PLEKHM3: variants seen among roughly 807,000 people sequenced by gnomAD.
PLEKHM3 encodes pleckstrin homology domain-containing family M member 3.
A neutral mutation model predicts 81.8 loss-of-function variants in PLEKHM3; 45 were observed. The observed-to-expected ratio is 0.55, with a 90% confidence interval of 0.43 to 0.71. The LOEUF (loss-of-function observed/expected upper bound fraction) is 0.71, where lower values mean the gene tolerates loss of function less well. PLEKHM3 is among the 30% of genes least tolerant of loss of function. The pLI is 0.00. For missense variants in PLEKHM3, 788 were observed against 924.3 expected (o/e 0.85, Z 1.91); for synonymous variants, 352 against 356.4 (o/e 0.99, Z 0.14).
chr2:207,946,890 T>A (rs1473596086), intron 3 of PLEKHM3, among the ~76,000 whole-genome samples: 1 of 152,220 alleles, frequency 6.6e-6, no homozygotes, highest in Non-Finnish European at 1.5e-5. Context: ...TACAGAATCT[T>A]GTTTAACCAG....
intron 5 of PLEKHM3, among the ~76,000 whole-genome samples, chr2:207,917,006 G>C (rs540412917): frequency 6.6e-6 from 1 of 152,292 alleles, no homozygotes; most frequent in Admixed American, 6.5e-5. Context: ...ATAATTTGCT[G>C]AATTAGATCT....
chr2:208,023,410 T>C (rs1007107628), intron 1 of PLEKHM3, among the ~76,000 whole-genome samples: 6 of 152,116 alleles, frequency 3.9e-5, no homozygotes, highest in Non-Finnish European at 8.8e-5. Flanking sequence ...AAACTGAAAC[T>C]CTATACCCAT....
At chr2:207,974,990 C>A (rs1017247005) in intron 3 of PLEKHM3, among the ~76,000 whole-genome samples, 17 of 150,316 alleles carry the variant, frequency 1.1e-4, no homozygotes, top group African/African-American at 4.2e-4. Context: ...ACCACCACAC[C>A]CGGCTAATTT....
rs141847455 is a variant in PLEKHM3, at chr2:207,855,360, C to A, written c.2108+5745G>T. On this transcript the variant is annotated intron_variant, in intron 7 of 7. Transcript: ENST00000427836. ...ATAAAATATAGTACTGGGCTGTAAC[C>A]CAAAGTACAAATGAACTATGCACAA... Among the ~76,000 whole-genome samples, 1,055 of 152,036 alleles carry A rather than the reference C, an allele frequency of 6.9e-3. 5 individuals are homozygous for A. Among genetic ancestry groups the A allele is most frequent in the Non-Finnish European group, 9.9e-3 (670 of 67,976 alleles).
intron 6 of PLEKHM3, among the ~76,000 whole-genome samples, chr2:207,890,880 A>G (rs1688041104): frequency 6.6e-6 from 1 of 152,230 alleles, no homozygotes; most frequent in Admixed American, 6.5e-5. Context: ...TATTTTTTAA[A>G]AATGCCAGCA....
chr2:207,865,287 C>G (rs995798910), intron 6 of PLEKHM3, among the ~76,000 whole-genome samples: 1 of 152,166 alleles, frequency 6.6e-6, no homozygotes, highest in South Asian at 2.1e-4. Context: ...AACTGCTATA[C>G]TGAGATATAA....
intron 6 of PLEKHM3, among the ~76,000 whole-genome samples, chr2:207,876,344 T>G (rs2092559799): frequency 6.6e-6 from 1 of 152,212 alleles, no homozygotes; most frequent in African/African-American, 2.4e-5. Flanking sequence ...AAACATAATC[T>G]GCATATGCAT....
rs777365546 is a variant in PLEKHM3, at chr2:207,977,219, C to G, written c.978G>C (p.Gly326=). 1.9e-6 allele frequency: 3 copies of G among 1,614,116 alleles called. No individual in the cohort carries two copies. Among genetic ancestry groups the G allele is most frequent in the Non-Finnish European group, 2.5e-6 (3 of 1,180,002 alleles). Residue 326 remains glycine (G), a synonymous_variant, in exon 3 of 8, where the codon GGG becomes GGC. Transcript: ENST00000427836. The stretch of plus-strand genomic sequence containing the variant: ...GTGTATAGTCATCATGATGGCCAAG[C>G]CCTGGTGAGATTGTCAGCTCATTCT... ...GRQNELTISP[G]LGHHDDYTQN... is the part of the protein sequence containing the mutation.
At chr2:207,931,941 C>T (rs1312327307) in intron 4 of PLEKHM3, among the ~76,000 whole-genome samples, 1 of 152,220 alleles carries the variant, frequency 6.6e-6, no homozygotes, top group Admixed American at 6.5e-5. Context: ...CCACTGCACT[C>T]CAGCCTGGGC....
rs1428285011 is a variant in PLEKHM3 at position 208,006,432 on chromosome 2, A to C, written c.-318-4475T>G. Among the ~76,000 whole-genome samples the C allele has an allele frequency of 2.0e-5, 3 of 152,190 alleles. No individual in the cohort carries two copies. In the East Asian group the frequency reaches 5.8e-4, roughly 29 times the overall value. On this transcript the variant is annotated intron_variant, in intron 1 of 7. Coordinates refer to ENST00000427836, the MANE Select transcript of PLEKHM3 (RefSeq NM_001080475.3). ...AAACTGGAAATCAGGAGCTAATTAG[A>C]ACTGTGTTCTAAATCTGGCTCAACC... is the stretch of plus-strand genomic sequence containing the variant.
At chr2:207,917,434 A>G (rs900484008) in intron 5 of PLEKHM3, among the ~76,000 whole-genome samples, 1 of 152,230 alleles carries the variant, frequency 6.6e-6, no homozygotes, top group African/African-American at 2.4e-5. Flanking sequence ...TTCTTCTAAA[A>G]TTCAGTATTA....
In PLEKHM3 at chr2:207,965,347, C is replaced by G. The variant is rs1574450861; in HGVS notation, c.1546+11304G>C. ...AGCTACAAAAAGGGACAAGAACTTT[C>G]CAGACCAAAGTATAGCAACAAAGAC... is the stretch of plus-strand genomic sequence containing the variant. On this transcript the variant is annotated intron_variant, in intron 3 of 7. Transcript: ENST00000427836. Among the ~76,000 whole-genome samples the G allele has an allele frequency of 1.1e-4, 17 of 151,266 alleles. 1 individual carries two copies. In the South Asian group the frequency reaches 3.4e-3, roughly 30 times the overall value.
intron 6 of PLEKHM3, among the ~76,000 whole-genome samples, chr2:207,862,634 C>T (rs924576376): frequency 9.9e-5 from 15 of 151,332 alleles, no homozygotes; most frequent in African/African-American, 3.2e-4. Context: ...GTGAAACTCC[C>T]GTCTCAAAAA....
At chr2:208,005,666 C>T (rs1692470882) in intron 1 of PLEKHM3, among the ~76,000 whole-genome samples, 2 of 152,100 alleles carry the variant, frequency 1.3e-5, no homozygotes, top group South Asian at 2.1e-4. Context: ...AAGCATTTGC[C>T]ATCTTCTAAC....
chr2:207,972,390 C>G (rs991708189), intron 3 of PLEKHM3, among the ~76,000 whole-genome samples: 8 of 151,966 alleles, frequency 5.3e-5, no homozygotes, highest in Non-Finnish European at 8.8e-5. Context: ...AGTTCGAGAC[C>G]AGCTTGACCA....
Position 207,976,551 on chromosome 2 carries a change from A to C in PLEKHM3, c.1546+100T>G, listed in dbSNP as rs1323368325. ...GAGATACTTTTTATAAACAGGAGAT[A>C]GCTGTGACTAGCCTATTAAGGGGAT... is the stretch of plus-strand genomic sequence containing the variant. On this transcript the variant is annotated intron_variant, in intron 3 of 7. Coordinates refer to ENST00000427836, the MANE Select transcript of PLEKHM3 (RefSeq NM_001080475.3). This position sits in a 1 kb window ranked among gnomAD's most constrained non-coding sequence, Gnocchi z 4.1. 8.9e-7 allele frequency: 1 copy of C among 1,118,228 alleles called. No homozygotes were observed. Among genetic ancestry groups the C allele is most frequent in the Non-Finnish European group, 1.3e-6 (1 of 792,918 alleles). The allele number at this position is 1,118,228 out of a possible 1,614,324, so 69.3% of individuals were successfully genotyped here.
intron 2 of PLEKHM3, among the ~76,000 whole-genome samples, chr2:207,981,161 C>T (rs892981310): frequency 1.3e-5 from 2 of 150,626 alleles, no homozygotes; most frequent in African/African-American, 4.9e-5. Flanking sequence ...AAAAGAAAAA[C>T]AAGAAGAAAA....
intron 5 of PLEKHM3, among the ~76,000 whole-genome samples, chr2:207,915,485 C>A (rs150594618): frequency 1.2e-3 from 176 of 152,246 alleles, no homozygotes; most frequent in Non-Finnish European, 1.4e-3. Context: ...TGGGGTCAGG[C>A]TCTAAAGTAG....
rs1407719575 is a variant in PLEKHM3, at chr2:207,828,544, G to C, written c.2109-48C>G. ...TGATGAGCAAGACTGAAGCCAGCAA[G>C]ACACAAATGGGAAGCCCTGTGGCCT... is the stretch of plus-strand genomic sequence containing the variant. On this transcript the variant is annotated intron_variant, in intron 7 of 7. Coordinates refer to ENST00000427836, the MANE Select transcript of PLEKHM3 (RefSeq NM_001080475.3). 3 of 1,572,356 alleles carry C rather than the reference G, an allele frequency of 1.9e-6. No homozygotes were observed. In the African/African-American group the frequency reaches 4.1e-5, roughly 21 times the overall value.
Sources: allele counts gnomAD v4.1 joint callset (sites outside exome capture counted in the v4.1 genomes callset), GRCh38; gene constraint gnomAD v4.1.1; non-coding constraint Gnocchi (gnomAD v3.1); transcripts MANE v1.5; gene names NCBI Gene and HGNC (gene_info 2026-07-23, HGNC 2026-07-21).